Variants in MAP3K21 observed in about 807,000 individuals in gnomAD.
MAP3K21 encodes the protein mitogen-activated protein kinase kinase kinase MLK4.
MAP3K21 carries 63 observed loss-of-function variants against 86.1 expected under a neutral mutation model. The ratio of observed to expected loss-of-function variants is 0.73; its 90% CI spans 0.60 to 0.90. MAP3K21 has a LOEUF of 0.90. Among genes scored for constraint, MAP3K21 ranks in the 40% least tolerant of loss-of-function variants. MAP3K21 has a pLI of 0.00. For missense variants in MAP3K21, 1,220 were observed against 1,367.7 expected, an observed-to-expected ratio of 0.89 and a Z score of 1.70; for synonymous variants, 558 against 564.8, an observed-to-expected ratio of 0.99 and a Z score of 0.17.
chr1:233,338,167 A>G (rs1662951937), intron 1 of MAP3K21, among the ~76,000 whole-genome samples: 1 of 152,198 alleles, frequency 6.6e-6, no homozygotes. Flanking sequence ...TGTCCATGTA[A>G]AGGCTTGTCC....
chr1:233,356,820 T>C (rs1394446093), intron 4 of MAP3K21, among the ~76,000 whole-genome samples: 6 of 152,234 alleles, frequency 3.9e-5, no homozygotes, highest in Non-Finnish European at 7.3e-5. Context: ...TGAAATGATG[T>C]ATAATGAAAC....
chr1:233,327,785 C>T lies in MAP3K21; in HGVS notation c.-244C>T, dbSNP rs1662720501. 3.1e-6 allele frequency: 1 copy of T among 320,908 alleles called. No homozygotes were observed. Among genetic ancestry groups the T allele is most frequent in the African/African-American group, 2.2e-5 (1 of 45,968 alleles). 19.9% of individuals were successfully genotyped at this position (320,908 alleles called of 1,614,324 possible). ...GCCGGCCGCAGGGCCTGGGCACGACCATGGTGGGACGTCGCCCGCGGCTTC... is the reference window on the plus strand; with the variant it reads ...GCCGGCCGCAGGGCCTGGGCACGACTATGGTGGGACGTCGCCCGCGGCTTC... On this transcript the variant is annotated 5_prime_UTR_variant, in exon 1 of 10. Transcript: ENST00000366624.
intron 5 of MAP3K21, among the ~76,000 whole-genome samples, chr1:233,363,851 CAA>C (rs71793740): frequency 7.8e-6 from 1 of 128,676 alleles, no homozygotes; most frequent in African/African-American, 2.8e-5. Flanking sequence ...TACTAAAATA[CAA>C]AAAAAAAAAA....
In MAP3K21 at chr1:233,328,701, G is replaced by T; in HGVS notation, c.673G>T (p.Gly225Cys). ...CGCCGCCCCGGACCCGCGCGCGCCC[G>T]GCCCCCGCCGCGCGCGCCGCATCCC... is the stretch of plus-strand genomic sequence containing the variant. ...ANAAPDPRAP[G>C]PRRARRIPPH... The change falls in exon 1 of 10, where the codon GGC becomes TGC. Residue 225 changes from glycine to cysteine, a missense_variant. Physicochemically the swap from Gly to Cys is radical, Grantham distance 159. Transcript: ENST00000366624. The surrounding 1 kb of genome is among the most constrained non-coding windows in gnomAD (Gnocchi z 8.7). 1.5e-6 allele frequency: 2 copies of T among 1,356,978 alleles called. No individual in the cohort carries two copies. Among genetic ancestry groups the T allele is most frequent in the Non-Finnish European group, 1.9e-6 (2 of 1,047,792 alleles). 84.1% of individuals were successfully genotyped at this position (1,356,978 alleles called of 1,614,324 possible).
chr1:233,346,952 T>C (rs765957843), intron 2 of MAP3K21, among the ~76,000 whole-genome samples: 1 of 152,188 alleles, frequency 6.6e-6, no homozygotes, highest in Non-Finnish European at 1.5e-5. Flanking sequence ...CATGGCTCAT[T>C]GTAGCCTCAA....
intron 5 of MAP3K21, among the ~76,000 whole-genome samples, chr1:233,366,153 G>A (rs1456013766): frequency 6.6e-6 from 1 of 152,054 alleles, no homozygotes; most frequent in East Asian, 1.9e-4. Context: ...GGAGTCCGTG[G>A]AAATAGAGAG....
intron 5 of MAP3K21, among the ~76,000 whole-genome samples, chr1:233,368,599 T>C (rs1158578525): frequency 3.3e-5 from 5 of 151,766 alleles, no homozygotes; most frequent in Admixed American, 3.3e-4. Context: ...AAGGCTGCAG[T>C]GGACTGAGAT....
At chr1:233,361,330 G>T (rs959743680) in intron 4 of MAP3K21, among the ~76,000 whole-genome samples, 8 of 152,194 alleles carry the variant, frequency 5.3e-5, no homozygotes, top group African/African-American at 1.9e-4. Flanking sequence ...ACTTTTGTTA[G>T]CTAACTCCTG....
intron 5 of MAP3K21, among the ~76,000 whole-genome samples, chr1:233,363,125 C>G (rs1663497167): frequency 6.6e-6 from 1 of 152,082 alleles, no homozygotes; most frequent in African/African-American, 2.4e-5. Flanking sequence ...GCAGACTTCA[C>G]TTTTATAGAA....
Position 233,327,805 on chromosome 1 carries a change from G to A in MAP3K21, c.-224G>A. 2 of 348,706 alleles carry A rather than the reference G, an allele frequency of 5.7e-6. No individual in the cohort carries two copies. The highest frequency in any genetic ancestry group is 5.1e-6 in the Non-Finnish European group (1 of 196,900). 21.6% of individuals were successfully genotyped at this position (348,706 alleles called of 1,614,324 possible). A position where few individuals can be genotyped will look rare whatever the true frequency, so the allele number is the denominator to read the frequency against. On this transcript the variant is annotated 5_prime_UTR_variant, in exon 1 of 10. Transcript: ENST00000366624. ...ACGACCATGGTGGGACGTCGCCCGC[G>A]GCTTCGGGGACCGCTGCGGCAGCAG...
intron 5 of MAP3K21, among the ~76,000 whole-genome samples, chr1:233,368,463 G>A (rs537216827): frequency 3.2e-4 from 48 of 152,142 alleles, no homozygotes; most frequent in Middle Eastern, 6.8e-3. Context: ...AGACCAGCCT[G>A]GGCAACATGG....
Position 233,375,644 on chromosome 1 carries a change from T to C in MAP3K21, c.1676-272T>C, listed in dbSNP as rs549791626. 3.2e-4 allele frequency: 146 copies of C among 451,442 alleles called. 1 individual carries two copies. The highest frequency in any genetic ancestry group is 5.0e-4 in the Non-Finnish European group (130 of 259,492). 28.0% of individuals were successfully genotyped at this position (451,442 alleles called of 1,614,324 possible). ...TGAAATCCTAATTGTTGCAAAATGCTAAATAAATAGATTAAAAAGTAATCA... is the reference window on the plus strand; with the variant it reads ...TGAAATCCTAATTGTTGCAAAATGCCAAATAAATAGATTAAAAAGTAATCA... On this transcript the variant is annotated intron_variant, in intron 6 of 9. Transcript: ENST00000366624.
intron 5 of MAP3K21, among the ~76,000 whole-genome samples, chr1:233,369,563 A>G (rs893059111): frequency 6.6e-6 from 1 of 152,132 alleles, no homozygotes; most frequent in Admixed American, 6.5e-5. Context: ...TATGGGCCCA[A>G]TCCCGCCTCT....
chr1:233,365,888 A>G (rs1046086902), intron 5 of MAP3K21, among the ~76,000 whole-genome samples: 1 of 152,220 alleles, frequency 6.6e-6, no homozygotes, highest in African/African-American at 2.4e-5. Context: ...GATGTCTGCA[A>G]TCCCATGTTT....
intron 5 of MAP3K21, 65 bp downstream of exon 5, chr1:233,362,358 G>C: frequency 6.4e-7 from 1 of 1,561,094 alleles, no homozygotes. Flanking sequence ...AGTTTTCTTT[G>C]TTCATCAGAA....
At chr1:233,344,754 T>C (rs1663101006) in intron 1 of MAP3K21, among the ~76,000 whole-genome samples, 1 of 152,066 alleles carries the variant, frequency 6.6e-6, no homozygotes, top group African/African-American at 2.4e-5. Flanking sequence ...ACCAAAGAGC[T>C]TCTGCACAGC....
chr1:233,332,458 G>T (rs764166866), intron 1 of MAP3K21, among the ~76,000 whole-genome samples: 3 of 152,124 alleles, frequency 2.0e-5, no homozygotes, highest in Non-Finnish European at 2.9e-5. Context: ...GAGAAGGCTG[G>T]TGAGGAGAGG....
intron 1 of MAP3K21, among the ~76,000 whole-genome samples, chr1:233,342,015 T>G (rs1663046984): frequency 1.3e-5 from 2 of 152,194 alleles, no homozygotes; most frequent in African/African-American, 4.8e-5. Context: ...TGTATTTTGT[T>G]GTTGTTGTTG....
chr1:233,373,272 G>A (rs1663723460), intron 6 of MAP3K21: 1 of 152,212 alleles, frequency 6.6e-6, no homozygotes, highest in Admixed American at 6.5e-5. Context: ...CCAGCTCCAC[G>A]AAGGGATGAG....
Sources: gnomAD v4.1 joint callset for allele counts (sites outside exome capture counted in the v4.1 genomes callset) on GRCh38, gnomAD v4.1.1 for gene constraint, Gnocchi (gnomAD v3.1) non-coding constraint, MANE v1.5 for transcripts, NCBI Gene and HGNC (gene_info 2026-07-23, HGNC 2026-07-21) for gene names.